Variants in SCHIP1 observed in about 807,000 individuals in gnomAD.
The protein encoded by SCHIP1 is schwannomin interacting protein 1.
SCHIP1 carries 8 observed loss-of-function variants against 29.7 expected under a neutral mutation model. The observed-to-expected ratio is 0.27, with a 90% CI of 0.16 to 0.49. The LOEUF (loss-of-function observed/expected upper bound fraction) is 0.49, where lower values mean the gene tolerates loss of function less well. Ranked by LOEUF, SCHIP1 falls within the 20% of genes least tolerant of loss-of-function variation. The pLI, the probability that SCHIP1 is intolerant of heterozygous loss-of-function variation, is 0.99. For synonymous variants in SCHIP1, 76 were observed against 94.9 expected (o/e 0.80, Z 1.16); for missense variants, 193 against 294.6 (o/e 0.66, Z 2.52).
chr3:159,304,897 C>A, the SCHIP1 span, among the ~76,000 whole-genome samples: 1 of 152,146 alleles, frequency 6.6e-6, no homozygotes, highest in East Asian at 1.9e-4. Context: ...CCTCAGAAAT[C>A]CCTGCCTCTG....
chr3:159,764,751 C>A, the SCHIP1 span: 4 of 1,572,778 alleles, frequency 2.5e-6, no homozygotes, highest in East Asian at 2.4e-5. This position sits in a 1 kb window ranked among gnomAD's most constrained non-coding sequence, Gnocchi z 6.1. Flanking sequence ...AACCGGGGGA[C>A]GTAAGCGCCA....
chr3:159,444,327 C>A, the SCHIP1 span, among the ~76,000 whole-genome samples: 1 of 152,062 alleles, frequency 6.6e-6, no homozygotes, highest in South Asian at 2.1e-4. Context: ...TACTCTCCAC[C>A]CAAACACATG....
the SCHIP1 span, among the ~76,000 whole-genome samples, chr3:159,706,127 G>T: frequency 6.6e-6 from 1 of 152,132 alleles, no homozygotes; most frequent in Non-Finnish European, 1.5e-5. Flanking sequence ...GGGTGGAGGG[G>T]CTATTTTGCT....
At chr3:159,530,625 T>C in the SCHIP1 span, among the ~76,000 whole-genome samples, 1 of 152,160 alleles carries the variant, frequency 6.6e-6, no homozygotes, top group East Asian at 1.9e-4. Flanking sequence ...CACTTTGACC[T>C]TCGCTCTACC....
chr3:159,527,541 A>C, the SCHIP1 span, among the ~76,000 whole-genome samples: 1 of 152,246 alleles, frequency 6.6e-6, no homozygotes, highest in Non-Finnish European at 1.5e-5. Flanking sequence ...CCACTGGATT[A>C]AATTGTTCAT....
chr3:159,410,261 G>A, the SCHIP1 span, among the ~76,000 whole-genome samples: 1 of 151,896 alleles, frequency 6.6e-6, no homozygotes, highest in Non-Finnish European at 1.5e-5. Context: ...GACAACCAAA[G>A]CAAAAATGGA....
At chr3:159,687,060 T>C in the SCHIP1 span, among the ~76,000 whole-genome samples, 2 of 152,198 alleles carry the variant, frequency 1.3e-5, no homozygotes, top group South Asian at 4.1e-4. Flanking sequence ...TGTCCTCTGA[T>C]TTGTATCTAG....
the SCHIP1 span, among the ~76,000 whole-genome samples, chr3:159,707,806 C>T: frequency 6.6e-6 from 1 of 152,170 alleles, no homozygotes; most frequent in African/African-American, 2.4e-5. Flanking sequence ...TTTGTCCCCC[C>T]TAATTTTCAG....
the SCHIP1 span, among the ~76,000 whole-genome samples, chr3:159,408,523 T>A: frequency 2.6e-5 from 4 of 152,078 alleles, no homozygotes; most frequent in Non-Finnish European, 4.4e-5. Context: ...AAAGAATCCT[T>A]AGAGGCTACT....
intron 2 of SCHIP1, 108 bp from the exon 4 acceptor site, chr3:159,886,099 G>T: frequency 9.1e-7 from 1 of 1,100,244 alleles, no homozygotes; most frequent in South Asian, 1.4e-5. Context: ...TTCTCCATGT[G>T]AAGAACACAT....
At chr3:159,637,497 C>T in the SCHIP1 span, among the ~76,000 whole-genome samples, 1 of 151,614 alleles carries the variant, frequency 6.6e-6, no homozygotes, top group East Asian at 1.9e-4. Flanking sequence ...CCTGAGCTTG[C>T]TAAGAAAGTT....
At chr3:159,372,311 C>T in the SCHIP1 span, among the ~76,000 whole-genome samples, 1,333 of 152,056 alleles carry the variant, frequency 8.8e-3, 10 homozygotes, top group African/African-American at 0.031. Context: ...AAATAAAGAC[C>T]TTCAATTTCA....
the SCHIP1 span, among the ~76,000 whole-genome samples, chr3:159,478,718 CTTTTTA>C: frequency 6.6e-6 from 1 of 152,066 alleles, no homozygotes. Context: ...CATGAAATAT[CTTTTTA>C]TTTATTTGTG....
the SCHIP1 span, among the ~76,000 whole-genome samples, chr3:159,560,314 A>C: frequency 2.6e-5 from 4 of 152,158 alleles, no homozygotes; most frequent in African/African-American, 9.7e-5. Flanking sequence ...CTGAGTAGGG[A>C]GTTACTATTG....
chr3:159,684,282 T>G, the SCHIP1 span, among the ~76,000 whole-genome samples: 1 of 152,212 alleles, frequency 6.6e-6, no homozygotes. Context: ...CCCTGCCTTC[T>G]GTTCACTCTG....
the SCHIP1 span, among the ~76,000 whole-genome samples, chr3:159,800,441 C>T: frequency 4.6e-5 from 7 of 152,132 alleles, no homozygotes; most frequent in African/African-American, 1.2e-4. Context: ...AAGCCAGGGT[C>T]GGAAACTCAG....
At chr3:159,875,379 A>G (rs988158763) in intron 2 of SCHIP1, among the ~76,000 whole-genome samples, 4 of 152,144 alleles carry the variant, frequency 2.6e-5, no homozygotes, top group Admixed American at 2.6e-4. Context: ...TTTTTTTATC[A>G]CCAATGAGAA....
At chr3:159,701,921 C>A in the SCHIP1 span, among the ~76,000 whole-genome samples, 775 of 152,198 alleles carry the variant, frequency 5.1e-3, 10 homozygotes, top group Admixed American at 0.024. Context: ...GAAGACTGAT[C>A]TACATTGAAG....
the SCHIP1 span, among the ~76,000 whole-genome samples, chr3:159,702,474 C>T: frequency 6.6e-6 from 1 of 152,324 alleles, no homozygotes; most frequent in Non-Finnish European, 1.5e-5. Flanking sequence ...ATGCCTGTTC[C>T]TTTCACTTTC....
Sources: gnomAD v4.1 joint callset for allele counts (sites outside exome capture counted in the v4.1 genomes callset) on GRCh38, gnomAD v4.1.1 for gene constraint, Gnocchi (gnomAD v3.1) non-coding constraint, MANE v1.5 for transcripts, NCBI Gene and HGNC (gene_info 2026-07-23, HGNC 2026-07-21) for gene names.